FRY: variants seen among roughly 807,000 people sequenced by gnomAD.
FRY encodes the protein FRY microtubule binding protein, also known as protein furry homolog.
A neutral mutation model predicts 348.4 loss-of-function variants in FRY; 128 were observed. The observed-to-expected ratio is 0.37, with a 90% CI of 0.32 to 0.43. FRY has a LOEUF of 0.43. Among genes scored for constraint, FRY ranks in the 20% least tolerant of loss-of-function variants. The probability of loss-of-function intolerance (pLI) is 1.00; values close to 1 mark genes in which losing one functional copy is unlikely to be tolerated. For synonymous variants in FRY, 1,370 were observed against 1,374.7 expected (o/e 1.00, Z 0.08); for missense variants, 2,736 against 3,695.2 (o/e 0.74, Z 6.73).
At chr13:32,235,190 C>T (rs564360469) in intron 42 of FRY, among the ~76,000 whole-genome samples, 2 of 152,294 alleles carry the variant, frequency 1.3e-5, no homozygotes, top group African/African-American at 2.4e-5. Flanking sequence ...CTCCAGTAGA[C>T]TGAGAAGAGC....
intron 1 of FRY, among the ~76,000 whole-genome samples, chr13:32,044,440 C>T (rs1872911953): frequency 6.6e-6 from 1 of 152,232 alleles, no homozygotes; most frequent in African/African-American, 2.4e-5. Context: ...GTGCTAAGCA[C>T]TCTCTCATTT....
At chr13:32,170,636 A>T (rs898758617) in intron 17 of FRY, among the ~76,000 whole-genome samples, 2 of 152,148 alleles carry the variant, frequency 1.3e-5, no homozygotes, top group African/African-American at 4.8e-5. Flanking sequence ...TCCCAGGTTC[A>T]TGCCATTCTC....
chr13:32,060,287 T>C (rs436227), intron 1 of FRY, among the ~76,000 whole-genome samples: 102,453 of 152,080 alleles, frequency 0.67, 34,785 homozygotes, highest in African/African-American at 0.68. Context: ...CTGTTTTCTT[T>C]TGAAGGCAGA....
chr13:32,206,857 G>A lies in FRY; in HGVS notation c.4019-1996G>A, dbSNP rs143893630. Among the ~76,000 whole-genome samples, 581 of 152,298 alleles carry A rather than the reference G, an allele frequency of 3.8e-3. 3 individuals are homozygous for A. The highest frequency in any genetic ancestry group is 0.013 in the African/African-American group (558 of 41,562). On this transcript the variant is annotated intron_variant, in intron 31 of 60. Coordinates refer to ENST00000542859, the MANE Select transcript of FRY (RefSeq NM_023037.3). ...AAATTTTTATTGCCTGTAATTTCAA[G>A]TGACCTAATTATTGTAAACGGCCAG...
chr13:32,125,208 G>A (rs1878946193), intron 7 of FRY, among the ~76,000 whole-genome samples: 1 of 152,172 alleles, frequency 6.6e-6, no homozygotes, highest in African/African-American at 2.4e-5. Context: ...GCCCATGAGT[G>A]GGTGGTTACA....
chr13:32,062,677 C>T (rs1221147975), intron 1 of FRY, among the ~76,000 whole-genome samples: 1 of 151,890 alleles, frequency 6.6e-6, no homozygotes, highest in Non-Finnish European at 1.5e-5. Flanking sequence ...CCATATGAGC[C>T]AAGAATTTAA....
chr13:32,069,256 G>C (rs900572604), intron 1 of FRY, among the ~76,000 whole-genome samples: 2 of 152,074 alleles, frequency 1.3e-5, no homozygotes, highest in African/African-American at 4.8e-5. Flanking sequence ...CTTTCCCAAA[G>C]TCCCTCTAAC....
intron 4 of FRY, among the ~76,000 whole-genome samples, chr13:32,117,736 G>T (rs1878391824): frequency 6.6e-6 from 1 of 152,130 alleles, no homozygotes; most frequent in African/African-American, 2.4e-5. Context: ...TCACTTTCTT[G>T]CCAGCTTCTT....
At chr13:32,260,073 T>C (rs1566175949) in intron 51 of FRY, among the ~76,000 whole-genome samples, 2 of 152,238 alleles carry the variant, frequency 1.3e-5, no homozygotes, top group Non-Finnish European at 2.9e-5. Context: ...AAGCAGACTT[T>C]GAAAAAGCTA....
At chr13:32,279,684 C>T (rs1888718867) in intron 58 of FRY, among the ~76,000 whole-genome samples, 1 of 152,172 alleles carries the variant, frequency 6.6e-6, no homozygotes, top group African/African-American at 2.4e-5. Context: ...ATGGCACACC[C>T]TCTGGAGGAT....
chr13:32,280,236 CATATATTTTTAAA>C (rs1248202030), intron 58 of FRY, among the ~76,000 whole-genome samples: 1 of 152,064 alleles, frequency 6.6e-6, no homozygotes, highest in East Asian at 1.9e-4. Flanking sequence ...AACTAGTTTG[CATATATTTTTAAA>C]ATAAGTGTTT....
chr13:32,111,605 T>G (rs1232692925), intron 3 of FRY, among the ~76,000 whole-genome samples: 2 of 152,098 alleles, frequency 1.3e-5, no homozygotes, highest in Admixed American at 1.3e-4. Context: ...GGACAGATAA[T>G]TGAGAATTAG....
chr13:32,178,586 A>G, intron 21 of FRY, 150 bp downstream of exon 21: 1 of 965,172 alleles, frequency 1.0e-6, no homozygotes, highest in Non-Finnish European at 1.6e-6. Flanking sequence ...CATTAAAAAA[A>G]TTTTGTCTAA....
At chr13:32,226,352 T>C (rs1224063518) in intron 39 of FRY, among the ~76,000 whole-genome samples, 1 of 152,138 alleles carries the variant, frequency 6.6e-6, no homozygotes, top group Non-Finnish European at 1.5e-5. Flanking sequence ...ACAGCCAAGG[T>C]GCCGGATGTA....
At chr13:32,154,140 T>C (rs1478727162) in intron 14 of FRY, among the ~76,000 whole-genome samples, 1 of 152,164 alleles carries the variant, frequency 6.6e-6, no homozygotes, top group African/African-American at 2.4e-5. Context: ...GAATTGACCA[T>C]TTTATTTTCT....
In FRY at chr13:32,149,728, T is replaced by C. The variant is rs1225703943; in HGVS notation, c.1393-20T>C. On this transcript the variant is annotated intron_variant, in intron 13 of 60. Coordinates refer to ENST00000542859, the MANE Select transcript of FRY (RefSeq NM_023037.3). ...TTTATATTTTAACACTTTCATTTTGTGTTCTTGTTTTTACTACAGGAACGT... is the reference window on the plus strand; with the variant it reads ...TTTATATTTTAACACTTTCATTTTGCGTTCTTGTTTTTACTACAGGAACGT... 7.2e-7 allele frequency: 1 copy of C among 1,391,708 alleles called. No homozygotes were observed. The highest frequency in any genetic ancestry group is 2.3e-5 in the East Asian group (1 of 43,858). 86.2% of individuals were successfully genotyped at this position (1,391,708 alleles called of 1,614,324 possible).
At position 32,225,050 on chromosome 13, in the gene FRY, T is replaced by G. The variant is rs575056113; in HGVS notation, c.5020+14T>G. 17 of 1,404,672 alleles carry G rather than the reference T, an allele frequency of 1.2e-5. No homozygotes were observed. In the African/African-American group the frequency reaches 2.4e-4, roughly 20 times the overall value. 87.0% of individuals were successfully genotyped at this position (1,404,672 alleles called of 1,614,324 possible). A position where few individuals can be genotyped will look rare whatever the true frequency, so the allele number is the denominator to read the frequency against. On this transcript the variant is annotated intron_variant, in intron 38 of 60. Coordinates refer to ENST00000542859, the MANE Select transcript of FRY (RefSeq NM_023037.3). ...CTGTCTTCTTAGGTAAGACTGGATC[T>G]AAAAGGCATTCTAGCCAATCGGGTT...
chr13:32,255,255 C>G (rs1362593882), intron 51 of FRY, among the ~76,000 whole-genome samples: 2 of 152,050 alleles, frequency 1.3e-5, no homozygotes, highest in Non-Finnish European at 2.9e-5. Flanking sequence ...CCAGATTTCC[C>G]AAACGACTCT....
chr13:32,109,654 G>A (rs147505570), intron 3 of FRY, among the ~76,000 whole-genome samples: 35 of 152,260 alleles, frequency 2.3e-4, no homozygotes, highest in Admixed American at 1.6e-3. Flanking sequence ...AGTAGGAGCC[G>A]TGCTGAGGGG....
Sources: gnomAD v4.1 joint callset for allele counts (sites outside exome capture counted in the v4.1 genomes callset) on GRCh38, gnomAD v4.1.1 for gene constraint, MANE v1.5 for transcripts, NCBI Gene and HGNC (gene_info 2026-07-23, HGNC 2026-07-21) for gene names.